The following PRKCE variants were observed in gnomAD, a reference collection of about 807,000 sequenced individuals.
PRKCE encodes protein kinase C epsilon type.
Under a neutral mutation model 85.4 loss-of-function variants are expected in PRKCE, and 16 were observed. That is an observed-to-expected ratio of 0.19 (90% confidence interval 0.13 to 0.28). PRKCE has a LOEUF of 0.28. Among genes scored for constraint, PRKCE ranks in the 10% least tolerant of loss-of-function variants. The pLI is 1.00. For missense variants in PRKCE, 573 were observed against 975.2 expected (o/e 0.59, Z 5.49); for synonymous variants, 388 against 371.5 (o/e 1.04, Z -0.51).
chr2:45,863,525 G>C (rs79443074), intron 2 of PRKCE, among the ~76,000 whole-genome samples: 2,711 of 152,056 alleles, frequency 0.018, 80 homozygotes, highest in African/African-American at 0.063. Flanking sequence ...TTCCTTGTTT[G>C]TTAGGTGCTC....
At chr2:46,087,464 G>A (rs2103918810) in intron 11 of PRKCE, among the ~76,000 whole-genome samples, 1 of 152,302 alleles carries the variant, frequency 6.6e-6, no homozygotes, top group East Asian at 1.9e-4. Context: ...GCCCTGGCCA[G>A]ATGTTCTTCA....
intron 1 of PRKCE, among the ~76,000 whole-genome samples, chr2:45,802,264 T>C (rs137964095): frequency 6.6e-5 from 10 of 152,230 alleles, no homozygotes; most frequent in African/African-American, 2.4e-4. Flanking sequence ...CATTCCTTCA[T>C]ACATGAGTAA....
intron 1 of PRKCE, among the ~76,000 whole-genome samples, chr2:45,791,394 A>G (rs11898209): frequency 0.28 from 41,911 of 152,068 alleles, 7,918 homozygotes; most frequent in African/African-American, 0.54. Context: ...CCCTTTACCC[A>G]TGGAGCCCCA....
At chr2:46,168,668 C>T (rs79855889) in intron 14 of PRKCE, among the ~76,000 whole-genome samples, 1 of 152,208 alleles carries the variant, frequency 6.6e-6, no homozygotes, top group Admixed American at 6.5e-5. Context: ...ATGCAAAATA[C>T]TTAAGGGATA....
chr2:45,999,961 C>T (rs532576971), intron 6 of PRKCE, among the ~76,000 whole-genome samples: 2 of 152,278 alleles, frequency 1.3e-5, no homozygotes, highest in African/African-American at 4.8e-5. Flanking sequence ...TCTTTCTTAG[C>T]ATTTCCATCT....
chr2:45,704,079 C>G (rs1392536685), intron 1 of PRKCE, among the ~76,000 whole-genome samples: 1 of 152,196 alleles, frequency 6.6e-6, no homozygotes, highest in Non-Finnish European at 1.5e-5. Flanking sequence ...CCCAGAGACA[C>G]ATGGGCGATG....
intron 10 of PRKCE, among the ~76,000 whole-genome samples, chr2:46,049,257 C>T (rs997761213): frequency 6.6e-6 from 1 of 152,158 alleles, no homozygotes; most frequent in Admixed American, 6.5e-5. Context: ...TTAGAAGCTT[C>T]CCACCTGTCA....
intron 14 of PRKCE, among the ~76,000 whole-genome samples, chr2:46,174,740 G>A (rs2104681123): frequency 6.6e-6 from 1 of 152,174 alleles, no homozygotes; most frequent in South Asian, 2.1e-4. Context: ...CCAGGCTGGA[G>A]GGCAGTGATA....
Position 46,070,773 on chromosome 2 carries a change from G to A in PRKCE, c.1438-15435G>A, listed in dbSNP as rs536870266. 2.6e-5 allele frequency among the ~76,000 whole-genome samples: 4 copies of A among 152,330 alleles called. No individual in the cohort carries two copies. The East Asian group carries it at 5.8e-4, about 22-fold the overall frequency. On this transcript the variant is annotated intron_variant, in intron 10 of 14. Coordinates refer to ENST00000306156, the MANE Select transcript of PRKCE (RefSeq NM_005400.3). ...ACAGACACGGGGTCAAATTCTGGCT[G>A]TGCTACTTACTAGTTCCATGGCCTT...
intron 1 of PRKCE, among the ~76,000 whole-genome samples, chr2:45,745,675 C>T (rs1417679588): frequency 6.6e-6 from 1 of 152,064 alleles, no homozygotes; most frequent in African/African-American, 2.4e-5. Flanking sequence ...TAATGAGATG[C>T]CTGGGAGGTG....
intron 10 of PRKCE, among the ~76,000 whole-genome samples, chr2:46,058,886 T>C (rs1558405229): frequency 5.3e-5 from 8 of 152,182 alleles, no homozygotes; most frequent in Admixed American, 2.6e-4. Context: ...TTTGTTGCTA[T>C]GGGATCTTGC....
At chr2:46,009,068 G>A in intron 9 of PRKCE, among the ~76,000 whole-genome samples, 1 of 152,216 alleles carries the variant, frequency 6.6e-6, no homozygotes, top group South Asian at 2.1e-4. Flanking sequence ...GAAGAGAAAG[G>A]CTTGTGACGT....
At chr2:46,148,524 G>A (rs765827274) in intron 12 of PRKCE, among the ~76,000 whole-genome samples, 4 of 152,316 alleles carry the variant, frequency 2.6e-5, no homozygotes, top group Non-Finnish European at 5.9e-5. Context: ...CTCCTTCCGA[G>A]AAGCTGGAGG....
intron 2 of PRKCE, among the ~76,000 whole-genome samples, chr2:45,947,801 C>T (rs1363632988): frequency 6.6e-6 from 1 of 152,192 alleles, no homozygotes; most frequent in Non-Finnish European, 1.5e-5. Context: ...AGAATTAAAA[C>T]GTTTCTTTAG....
At chr2:45,776,409 C>G (rs1427928857) in intron 1 of PRKCE, among the ~76,000 whole-genome samples, 1 of 152,132 alleles carries the variant, frequency 6.6e-6, no homozygotes, top group Admixed American at 6.5e-5. Flanking sequence ...ACTGAAATTG[C>G]CACTGCTCCT....
intron 2 of PRKCE, among the ~76,000 whole-genome samples, chr2:45,884,997 A>ATTTT (rs1360794938): frequency 4.3e-5 from 3 of 69,636 alleles, no homozygotes; most frequent in Non-Finnish European, 5.7e-5. Context: ...ATATATATAT[A>ATTTT]TATATTTGTT....
intron 2 of PRKCE, among the ~76,000 whole-genome samples, chr2:45,916,477 C>T (rs1029810849): frequency 1.3e-5 from 2 of 152,112 alleles, no homozygotes; most frequent in African/African-American, 4.8e-5. Context: ...AATTCCTGAG[C>T]TCAAGTGATC....
intron 1 of PRKCE, among the ~76,000 whole-genome samples, chr2:45,762,029 C>T (rs1342592594): frequency 6.6e-6 from 1 of 152,226 alleles, no homozygotes; most frequent in Non-Finnish European, 1.5e-5. Flanking sequence ...ATCCCACCCT[C>T]TCACATGGGT....
intron 10 of PRKCE, among the ~76,000 whole-genome samples, chr2:46,062,895 C>T (rs1274892716): frequency 6.6e-6 from 1 of 152,160 alleles, no homozygotes; most frequent in East Asian, 1.9e-4. Flanking sequence ...TCCCAAAATG[C>T]TGGGATTACA....
Sources: gnomAD v4.1 joint callset for allele counts (sites outside exome capture counted in the v4.1 genomes callset) on GRCh38, gnomAD v4.1.1 for gene constraint, MANE v1.5 for transcripts, NCBI Gene and HGNC (gene_info 2026-07-23, HGNC 2026-07-21) for gene names.